The following KIF11 variants were observed in gnomAD, a reference collection of about 807,000 sequenced individuals.
KIF11 encodes the protein kinesin family member 11, also known as kinesin-like protein KIF11.
Under a neutral mutation model 121.0 loss-of-function variants are expected in KIF11, and 9 were observed. The observed-to-expected ratio is 0.07, with a 90% CI of 0.04 to 0.13. The LOEUF (loss-of-function observed/expected upper bound fraction) is 0.13, where lower values mean the gene tolerates loss of function less well. Among genes scored for constraint, KIF11 ranks in the 10% least tolerant of loss-of-function variants. The pLI, the probability that KIF11 is intolerant of heterozygous loss-of-function variation, is 1.00. For missense variants in KIF11, 846 were observed against 1,217.5 expected, an observed-to-expected ratio of 0.69 and a Z score of 4.54; for synonymous variants, 408 against 421.0, an observed-to-expected ratio of 0.97 and a Z score of 0.38.
chr10:92,633,950 T>G (rs1382256639), intron 14 of KIF11, among the ~76,000 whole-genome samples, 155 bp downstream of exon 14: 4 of 152,154 alleles, frequency 2.6e-5, no homozygotes, highest in Admixed American at 2.0e-4. Flanking sequence ...GACACGTCAC[T>G]GTGAGAGACT....
chr10:92,640,444 GTT>G (rs1466594540), intron 17 of KIF11, among the ~76,000 whole-genome samples: 3 of 152,078 alleles, frequency 2.0e-5, no homozygotes, highest in Non-Finnish European at 4.4e-5. Flanking sequence ...TTTTGTTTTT[GTT>G]TTTGCGACGG....
At chr10:92,641,938 C>T (rs919959367) in intron 17 of KIF11, among the ~76,000 whole-genome samples, 5 of 152,100 alleles carry the variant, frequency 3.3e-5, no homozygotes, top group Non-Finnish European at 5.9e-5. Context: ...CTGTTAAACC[C>T]ATTCAATGAG....
chr10:92,645,479 A>C lies in KIF11; in HGVS notation c.2384A>C (p.Glu795Ala). ...AACCAAGAAGGTACAAAATTGGTTGAAGAATCTGTGAAACACTCTGATAAA... is the reference window on the plus strand; with the variant it reads ...AACCAAGAAGGTACAAAATTGGTTGCAGAATCTGTGAAACACTCTGATAAA... ...NFNQEGTKLVEESVKHSDKLN... is the reference protein window; with the variant it reads ...NFNQEGTKLVAESVKHSDKLN... Residue 795 changes from glutamate (E) to alanine (A), a missense_variant, in exon 18 of 22, where the codon GAA becomes GCA. Glu to Ala is a moderately radical substitution (Grantham distance 107, BLOSUM62 -1). Coordinates refer to ENST00000260731, the MANE Select transcript of KIF11 (RefSeq NM_004523.4). The C allele has an allele frequency of 6.2e-7, 1 of 1,614,140 alleles. No homozygotes were observed. Among genetic ancestry groups the C allele is most frequent in the Non-Finnish European group, 8.5e-7 (1 of 1,179,986 alleles).
chr10:92,643,618 G>GCAATCTTGGCTC (rs1374462239), intron 17 of KIF11, among the ~76,000 whole-genome samples: 1 of 144,466 alleles, frequency 6.9e-6, no homozygotes, highest in African/African-American at 2.7e-5. Context: ...GTGCAGTGGT[G>GCAATCTTGGCTC]CAATCTTGGC....
At chr10:92,606,475 G>A (rs1195376314) in intron 2 of KIF11, 78 bp downstream of exon 2, 38 of 1,313,860 alleles carry the variant, frequency 2.9e-5, no homozygotes, top group Non-Finnish European at 3.7e-5. Flanking sequence ...GGAAAATGGT[G>A]TATACTTAGA....
intron 1 of KIF11, among the ~76,000 whole-genome samples, chr10:92,604,094 A>G (rs73325674): frequency 0.078 from 11,820 of 152,184 alleles, 1,083 homozygotes; most frequent in African/African-American, 0.22. Context: ...TTATATAACT[A>G]TGGTGAAGCC....
In KIF11 at chr10:92,637,166, G is replaced by C. The variant is rs766673146; in HGVS notation, c.1876-18G>C. 2.6e-6 allele frequency: 4 copies of C among 1,553,866 alleles called. No individual in the cohort carries two copies. In the African/African-American group the frequency reaches 5.6e-5, roughly 22 times the overall value. On this transcript the variant is annotated intron_variant, in intron 14 of 21. Transcript: ENST00000260731. Reference sequence around the variant, plus strand: ...AAATATTCTTTTTAAAGACCTATTTGTTTATTTCTGAAACCAGAATGTACT... The same window carrying C: ...AAATATTCTTTTTAAAGACCTATTTCTTTATTTCTGAAACCAGAATGTACT...
At chr10:92,638,659 T>A (rs1844833155) in intron 16 of KIF11, among the ~76,000 whole-genome samples, 1 of 152,212 alleles carries the variant, frequency 6.6e-6, no homozygotes, top group Admixed American at 6.5e-5. Context: ...GTGAGCTATT[T>A]CTTAGGTTTT....
intron 9 of KIF11, 43 bp from the exon 10 acceptor site, chr10:92,621,342 A>G (rs1844615045): frequency 1.6e-6 from 2 of 1,223,404 alleles, no homozygotes; most frequent in South Asian, 1.3e-5. Context: ...AAACTGAATG[A>G]AAAAAGTACT....
chr10:92,619,621 T>TG (rs1294635984), intron 9 of KIF11, among the ~76,000 whole-genome samples: 1 of 152,166 alleles, frequency 6.6e-6, no homozygotes, highest in African/African-American at 2.4e-5. Flanking sequence ...ATCTGATTTC[T>TG]TCACATCCTC....
At chr10:92,627,758 G>T (rs1844695791) in intron 10 of KIF11, among the ~76,000 whole-genome samples, 1 of 152,160 alleles carries the variant, frequency 6.6e-6, no homozygotes, top group African/African-American at 2.4e-5. Flanking sequence ...TCAGTCTTAA[G>T]TCTGGGCTTC....
chr10:92,622,633 AAATAAT>A lies in KIF11; in HGVS notation c.1217+1166_1217+1171del, dbSNP rs1303373172. ...TTCATCTCAAAAAAGAAAAAGGAAA[AAATAAT>A]AATAAAATAAATAAAAAATAATTAT... On this transcript the variant is annotated intron_variant, in intron 10 of 21. Transcript: ENST00000260731. Among the ~76,000 whole-genome samples, 6 of 152,122 alleles carry A rather than the reference AAATAAT, an allele frequency of 3.9e-5. No individual in the cohort carries two copies. In the East Asian group the frequency reaches 9.7e-4, roughly 24 times the overall value.
In KIF11 at chr10:92,620,104, G is replaced by A. The variant is rs1373879141; in HGVS notation, c.1129-1281G>A. 5.7e-5 allele frequency among the ~76,000 whole-genome samples: 8 copies of A among 139,984 alleles called. No individual in the cohort carries two copies. In the East Asian group the frequency reaches 8.1e-4, roughly 14 times the overall value. 91.8% of individuals were successfully genotyped at this position (139,984 alleles called of 152,430 possible). A position where few individuals can be genotyped will look rare whatever the true frequency, so the allele number is the denominator to read the frequency against. ...TTTTTTTTTTTTTTTTTTTTGAGAC[G>A]GAGTCTCGCTCTGTTGCCCAGGCTA... is the stretch of plus-strand genomic sequence containing the variant. On this transcript the variant is annotated intron_variant, in intron 9 of 21. Transcript: ENST00000260731.
intron 1 of KIF11, among the ~76,000 whole-genome samples, chr10:92,602,977 C>A (rs533225547): frequency 6.6e-6 from 1 of 151,628 alleles, no homozygotes; most frequent in South Asian, 2.1e-4. Context: ...GTCTCAGCCT[C>A]CAGAGTAGCT....
In KIF11 at chr10:92,648,377, G is replaced by A; in HGVS notation, c.2713G>A (p.Gly905Ser). The A allele has an allele frequency of 1.9e-6, 3 of 1,612,744 alleles. No individual in the cohort carries two copies. Among genetic ancestry groups the A allele is most frequent in the Non-Finnish European group, 2.5e-6 (3 of 1,179,274 alleles). Residue 905 changes from glycine to serine, a missense_variant, in exon 19 of 22, where the codon GGT (glycine) becomes AGT (serine). This residue lies in a region of KIF11 where 492 missense variants were observed against 603.4 expected (regional missense o/e 0.82). Transcript: ENST00000260731. The part of the protein sequence containing the change: ...NLELNETIKI[G>S]LTKLNCFLEQ... Reference sequence around the variant, plus strand: ...AGAACTTAATGAAACCATAAAAATTGGTTTGACTAAGCTTAATTGCTTTCT... The same window carrying A: ...AGAACTTAATGAAACCATAAAAATTAGTTTGACTAAGCTTAATTGCTTTCT...
chr10:92,651,972 T>C (rs1564719550), intron 21 of KIF11, among the ~76,000 whole-genome samples: 1 of 147,362 alleles, frequency 6.8e-6, no homozygotes, highest in African/African-American at 2.5e-5. Flanking sequence ...TTTTTTTTTT[T>C]TTTTTTTTTT....
At chr10:92,647,165 A>C (rs1844928936) in intron 18 of KIF11, among the ~76,000 whole-genome samples, 1 of 152,212 alleles carries the variant, frequency 6.6e-6, no homozygotes, top group South Asian at 2.1e-4. Flanking sequence ...TTTAGGTCTA[A>C]CCAGTTTGTA....
At chr10:92,627,596 C>CT (rs963338442) in intron 10 of KIF11, among the ~76,000 whole-genome samples, 6 of 151,916 alleles carry the variant, frequency 3.9e-5, no homozygotes, top group Middle Eastern at 3.4e-3. Context: ...CCTTTGGGAT[C>CT]TTTTTTTTCC....
intron 14 of KIF11, among the ~76,000 whole-genome samples, chr10:92,636,616 C>G (rs1418210067): frequency 6.7e-6 from 1 of 148,530 alleles, no homozygotes; most frequent in Admixed American, 6.7e-5. Flanking sequence ...AACTATATCT[C>G]AAAAAAAGAA....
Sources: gnomAD v4.1 joint callset for allele counts (sites outside exome capture counted in the v4.1 genomes callset) on GRCh38, gnomAD v4.1.1 for gene constraint, gnomAD v4.1.1 regional missense constraint, MANE v1.5 for transcripts, NCBI Gene and HGNC (gene_info 2026-07-23, HGNC 2026-07-21) for gene names.